The following ZNF583 variants were observed in gnomAD, a reference collection of about 807,000 sequenced individuals.
ZNF583 encodes the protein zinc finger protein L3-5.
A neutral mutation model predicts 55.3 loss-of-function variants in ZNF583; 30 were observed. The observed-to-expected ratio is 0.54, with a 90% CI of 0.41 to 0.74. ZNF583 has a LOEUF of 0.74. ZNF583 is among the 30% of genes least tolerant of loss of function. The pLI is 0.00. For missense variants in ZNF583, 504 were observed against 664.7 expected (o/e 0.76, Z 2.66); for synonymous variants, 208 against 220.0 (o/e 0.95, Z 0.48).
rs112986862 is a variant in ZNF583 at position 56,417,071 on chromosome 19, A to G, written c.232+2631A>G. On this transcript the variant is annotated intron_variant, in intron 4 of 4. Coordinates refer to ENST00000333201, the MANE Select transcript of ZNF583 (RefSeq NM_152478.3). ...CTGTATTGTTGCATGTATGAATGCA[A>G]CATTTCATTTATCCATTCACCTGGT... 4.5e-3 allele frequency among the ~76,000 whole-genome samples: 680 copies of G among 152,310 alleles called. 3 individuals are homozygous for G. The highest frequency in any genetic ancestry group is 0.015 in the African/African-American group (611 of 41,564).
intron 1 of ZNF583, among the ~76,000 whole-genome samples, chr19:56,406,551 GAGAC>G (rs2042152796): frequency 3.6e-5 from 1 of 28,020 alleles, no homozygotes; most frequent in Non-Finnish European, 7.8e-5. Flanking sequence ...TTTTTTTTTT[GAGAC>G]AGAGTCTCGC....
chr19:56,426,995 A>C lies in ZNF583; in HGVS notation c.*2627A>C, dbSNP rs759753210. The stretch of plus-strand genomic sequence containing the variant: ...GATGAAATAATTTTGTAAAAGGCAA[A>C]ACAGGGAAGAGTGTTCATGAATTGT... On this transcript the variant is annotated 3_prime_UTR_variant, in exon 5 of 5. Coordinates refer to ENST00000333201, the MANE Select transcript of ZNF583 (RefSeq NM_152478.3). 1 of 152,002 alleles carries C rather than the reference A, an allele frequency of 6.6e-6. No homozygotes were observed. Among genetic ancestry groups the C allele is most frequent in the Non-Finnish European group, 1.5e-5 (1 of 68,010 alleles). 9.4% of individuals were successfully genotyped at this position (152,002 alleles called of 1,614,324 possible). A position where few individuals can be genotyped will look rare whatever the true frequency, so the allele number is the denominator to read the frequency against.
chr19:56,422,834 A>G, intron 4 of ZNF583, 57 bp from the exon 5 acceptor site: 2 of 1,367,798 alleles, frequency 1.5e-6, no homozygotes, highest in Non-Finnish European at 2.0e-6. Context: ...TTTTTGTTTT[A>G]GAAATTTCTT....
At chr19:56,407,421 G>C (rs963083017) in intron 2 of ZNF583, among the ~76,000 whole-genome samples, 8 of 152,206 alleles carry the variant, frequency 5.3e-5, no homozygotes, top group Non-Finnish European at 1.2e-4. Flanking sequence ...CTTCATTGTA[G>C]TAAGTTGATT....
intron 4 of ZNF583, among the ~76,000 whole-genome samples, chr19:56,416,142 A>T (rs1334931124): frequency 2.0e-5 from 3 of 151,858 alleles, no homozygotes; most frequent in African/African-American, 4.8e-5. Flanking sequence ...CCTGGCCAAG[A>T]TGGTGAAACC....
intron 2 of ZNF583, among the ~76,000 whole-genome samples, chr19:56,411,270 G>A (rs1253006745): frequency 6.6e-6 from 1 of 152,050 alleles, no homozygotes; most frequent in Non-Finnish European, 1.5e-5. Flanking sequence ...CAGCCTTGGC[G>A]ACAGAGCAAG....
Position 56,423,613 on chromosome 19 carries a change from A to G in ZNF583, c.955A>G (p.Thr319Ala), listed in dbSNP as rs2042455499. Residue 319 changes from threonine (T) to alanine (A), a missense_variant, in exon 5 of 5, where the codon ACT becomes GCT. Around this residue, in one of 3 missense-constraint regions of ZNF583, gnomAD observed 237 missense variants for 373.0 expected, o/e 0.64. Transcript: ENST00000333201. Reference sequence around the variant, plus strand: ...CCTGACTCAGCATCAGAGAGTTCATACTGGAGAGAGACCTTTCGAATGTAT... The same window carrying G: ...CCTGACTCAGCATCAGAGAGTTCATGCTGGAGAGAGACCTTTCGAATGTAT... ...AHLTQHQRVH[T>A]GERPFECIEC... is the part of the protein sequence containing the mutation. 6.2e-7 allele frequency: 1 copy of G among 1,614,158 alleles called. No individual in the cohort carries two copies. The highest frequency in any genetic ancestry group is 8.5e-7 in the Non-Finnish European group (1 of 1,180,006).
intron 2 of ZNF583, among the ~76,000 whole-genome samples, chr19:56,408,387 G>C (rs2147555660): frequency 6.6e-6 from 1 of 152,330 alleles, no homozygotes; most frequent in South Asian, 2.1e-4. Flanking sequence ...CCACTAGCCA[G>C]ATGTGGCTAC....
chr19:56,406,952 A>C, intron 1 of ZNF583, 74 bp from the exon 2 acceptor site: 1 of 642,984 alleles, frequency 1.6e-6, no homozygotes, highest in Admixed American at 3.1e-5. Flanking sequence ...AAAGAGAAGG[A>C]AAGGTTTCTA....
At chr19:56,422,867 C>A (rs368236846) in intron 4 of ZNF583, 24 bp from the exon 5 acceptor site, 2 of 1,517,262 alleles carry the variant, frequency 1.3e-6, no homozygotes, top group African/African-American at 1.4e-5. Flanking sequence ...ATACAAAAGT[C>A]ATTTGTTTCT....
intron 2 of ZNF583, among the ~76,000 whole-genome samples, chr19:56,413,720 C>G (rs1189710783): frequency 6.6e-6 from 1 of 152,188 alleles, no homozygotes; most frequent in Non-Finnish European, 1.5e-5. Flanking sequence ...TAAATCCTTT[C>G]TCTACCAGTA....
chr19:56,415,264 C>T (rs996149120), intron 4 of ZNF583, among the ~76,000 whole-genome samples: 6 of 151,912 alleles, frequency 3.9e-5, no homozygotes, highest in African/African-American at 1.2e-4. Context: ...AAGATGATAA[C>T]ACTTAATAGA....
rs1420722054 is a variant in ZNF583 at position 56,423,726 on chromosome 19, G to A, written c.1068G>A (p.Val356=). The part of the protein sequence containing the change: ...HTGEKPYVCN[V]CGKAFSHRGY... ...GAGAGAAACCTTATGTGTGTAATGT[G>A]TGTGGGAAAGCCTTTAGCCATCGTG... The change falls in exon 5 of 5, where the codon GTG becomes GTA. Residue 356 remains valine, a synonymous_variant. Transcript: ENST00000333201. The A allele has an allele frequency of 1.2e-6, 2 of 1,613,140 alleles. No homozygotes were observed. Among genetic ancestry groups the A allele is most frequent in the Non-Finnish European group, 8.5e-7 (1 of 1,179,814 alleles).
chr19:56,409,484 T>C (rs901267337), intron 2 of ZNF583, among the ~76,000 whole-genome samples: 3 of 151,370 alleles, frequency 2.0e-5, no homozygotes, highest in African/African-American at 7.4e-5. Context: ...AAACACATTT[T>C]TATTGGGTTT....
chr19:56,423,698 C>T lies in ZNF583; in HGVS notation c.1040C>T (p.Thr347Ile). The T allele has an allele frequency of 6.2e-7, 1 of 1,613,950 alleles. No homozygotes were observed. The highest frequency in any genetic ancestry group is 8.5e-7 in the Non-Finnish European group (1 of 1,179,986). Residue 347 changes from threonine to isoleucine, a missense_variant, in exon 5 of 5, where the codon ACA becomes ATA. Physicochemically the swap from Thr to Ile is moderately conservative, Grantham distance 89. Around this residue, in one of 3 missense-constraint regions of ZNF583, gnomAD observed 237 missense variants for 373.0 expected, o/e 0.64. Coordinates refer to ENST00000333201, the MANE Select transcript of ZNF583 (RefSeq NM_152478.3). ...SFLAQHQRIH[T>I]GEKPYVCNVC... is the part of the protein sequence containing the mutation. The stretch of plus-strand genomic sequence containing the variant: ...CTTGCTCAGCATCAGAGAATTCATA[C>T]AGGAGAGAAACCTTATGTGTGTAAT...
In ZNF583 at chr19:56,423,885, A is replaced by G. The variant is rs1568817658; in HGVS notation, c.1227A>G (p.Glu409=). 1 of 1,613,890 alleles carries G rather than the reference A, an allele frequency of 6.2e-7. No individual in the cohort carries two copies. Among genetic ancestry groups the G allele is most frequent in the Middle Eastern group, 1.7e-4 (1 of 6,060 alleles). The change falls in exon 5 of 5, where the codon GAA becomes GAG. Residue 409 remains glutamate, a synonymous_variant. Coordinates refer to ENST00000333201, the MANE Select transcript of ZNF583 (RefSeq NM_152478.3). The part of the protein sequence containing the change: ...QRVHTGEKPY[E]CKVCRKAFSQ... The stretch of plus-strand genomic sequence containing the variant: ...TTCATACTGGAGAAAAACCTTATGA[A>G]TGTAAAGTATGTAGGAAAGCCTTCA...
At chr19:56,410,471 G>A (rs1474018713) in intron 2 of ZNF583, among the ~76,000 whole-genome samples, 2 of 152,192 alleles carry the variant, frequency 1.3e-5, no homozygotes, top group Admixed American at 6.5e-5. Flanking sequence ...GGGCCGAGGT[G>A]GGTGGATCAT....
At position 56,404,754 on chromosome 19, in the gene ZNF583, C is replaced by T. The variant is rs746646457; in HGVS notation, c.-90+302C>T. Among the ~76,000 whole-genome samples the T allele has an allele frequency of 6.6e-6, 1 of 152,096 alleles. No individual in the cohort carries two copies. Among genetic ancestry groups the T allele is most frequent in the Non-Finnish European group, 1.5e-5 (1 of 68,028 alleles). On this transcript the variant is annotated intron_variant, in intron 1 of 4. Coordinates refer to ENST00000333201, the MANE Select transcript of ZNF583 (RefSeq NM_152478.3). This position sits in a 1 kb window ranked among gnomAD's most constrained non-coding sequence, Gnocchi z 5.2. ...TGAGAATGTGTGCGACAGTATGAGA[C>T]CGTTGCCCCGGTGTATGCGGGAGCC... is the stretch of plus-strand genomic sequence containing the variant.
In ZNF583 at chr19:56,426,573, A is replaced by G. The variant is rs1234598636; in HGVS notation, c.*2205A>G. 3 of 152,208 alleles carry G rather than the reference A, an allele frequency of 2.0e-5. No individual in the cohort carries two copies. Among genetic ancestry groups the G allele is most frequent in the Admixed American group, 1.3e-4 (2 of 15,276 alleles). 9.4% of individuals were successfully genotyped at this position (152,208 alleles called of 1,614,324 possible). On this transcript the variant is annotated 3_prime_UTR_variant, in exon 5 of 5. Coordinates refer to ENST00000333201, the MANE Select transcript of ZNF583 (RefSeq NM_152478.3). ...ATATCCTTAACATAAAATTGCTCATAAAAATCCCTTAGGAAATGACGCTTT... is the reference window on the plus strand; with the variant it reads ...ATATCCTTAACATAAAATTGCTCATGAAAATCCCTTAGGAAATGACGCTTT...
Sources: gnomAD v4.1 joint callset for allele counts (sites outside exome capture counted in the v4.1 genomes callset) on GRCh38, gnomAD v4.1.1 for gene constraint, gnomAD v4.1.1 regional missense constraint, Gnocchi (gnomAD v3.1) non-coding constraint, MANE v1.5 for transcripts, NCBI Gene and HGNC (gene_info 2026-07-23, HGNC 2026-07-21) for gene names.